The following OPCML variants were observed in gnomAD, a reference collection of about 807,000 sequenced individuals.
OPCML encodes the protein opioid binding protein/cell adhesion molecule like, also known as opioid-binding protein/cell adhesion molecule.
Under a neutral mutation model 37.8 loss-of-function variants are expected in OPCML, and 13 were observed. The observed-to-expected ratio is 0.34, with a 90% CI of 0.22 to 0.55. The LOEUF (loss-of-function observed/expected upper bound fraction) is 0.55, where lower values mean the gene tolerates loss of function less well. Ranked by LOEUF, OPCML falls within the 20% of genes least tolerant of loss-of-function variation. OPCML has a pLI of 0.91. For synonymous variants in OPCML, 176 were observed against 168.8 expected (o/e 1.04, Z -0.33); for missense variants, 341 against 435.6 (o/e 0.78, Z 1.93).
intron 2 of OPCML, among the ~76,000 whole-genome samples, chr11:132,871,236 G>T (rs1174997167): frequency 1.3e-5 from 2 of 150,282 alleles, no homozygotes; most frequent in African/African-American, 4.9e-5. Context: ...AAGACAGTCA[G>T]CCCTCCCTAT....
In OPCML at chr11:133,269,583, G is replaced by GA. The variant is rs1254812874; in HGVS notation, c.61+262680dup. ...ACTCATGTTTTTTCTTTTTCTGGTT[G>GA]AAAAAATGATGAACACTGTGAATTT... On this transcript the variant is annotated intron_variant, in intron 1 of 7. Transcript: ENST00000524381. Among the ~76,000 whole-genome samples the GA allele has an allele frequency of 2.6e-5, 4 of 152,198 alleles. No homozygotes were observed. In the East Asian group the frequency reaches 7.7e-4, roughly 29 times the overall value.
chr11:132,616,503 T>G (rs1223935586), intron 3 of OPCML, among the ~76,000 whole-genome samples: 1 of 152,200 alleles, frequency 6.6e-6, no homozygotes, highest in Admixed American at 6.5e-5. Flanking sequence ...ATTAACCTTC[T>G]AGGATCTGTT....
chr11:132,537,504 G>T (rs556091300), intron 3 of OPCML, among the ~76,000 whole-genome samples: 1 of 152,298 alleles, frequency 6.6e-6, no homozygotes, highest in Non-Finnish European at 1.5e-5. Context: ...GAAAAACTAT[G>T]TAGCCTTTGA....
chr11:133,470,927 G>T (rs1387807198), intron 1 of OPCML, among the ~76,000 whole-genome samples: 1 of 152,142 alleles, frequency 6.6e-6, no homozygotes, highest in Non-Finnish European at 1.5e-5. Context: ...CTCTGAAAAG[G>T]CAGAGAGTTG....
At position 133,097,031 on chromosome 11, in the gene OPCML, C is replaced by T. The variant is rs111984969; in HGVS notation, c.62-154021G>A. Among the ~76,000 whole-genome samples the T allele has an allele frequency of 1.7e-3, 262 of 152,286 alleles. 1 individual carries two copies. Among genetic ancestry groups the T allele is most frequent in the African/African-American group, 6.0e-3 (251 of 41,562 alleles). On this transcript the variant is annotated intron_variant, in intron 1 of 7. Coordinates refer to ENST00000524381, the MANE Select transcript of OPCML (RefSeq NM_001012393.5). ...AGTATGGACATAGTTGGACTCAAAA[C>T]TGTCATGAGTCAATTAGATATAATT...
chr11:133,453,203 T>G (rs1946612449), intron 1 of OPCML, among the ~76,000 whole-genome samples: 1 of 152,130 alleles, frequency 6.6e-6, no homozygotes, highest in Non-Finnish European at 1.5e-5. Context: ...ATAAATTAAA[T>G]AAAATAAATC....
At chr11:133,142,297 C>T (rs1287905283) in intron 1 of OPCML, among the ~76,000 whole-genome samples, 2 of 152,184 alleles carry the variant, frequency 1.3e-5, no homozygotes, top group African/African-American at 4.8e-5. Flanking sequence ...TTCTTCTCAA[C>T]ATGTTCCCCA....
At chr11:132,980,522 A>G (rs1181620380) in intron 1 of OPCML, among the ~76,000 whole-genome samples, 1 of 152,244 alleles carries the variant, frequency 6.6e-6, no homozygotes, top group Admixed American at 6.5e-5. Flanking sequence ...TAAAAAACAT[A>G]GGCCCTGTGG....
intron 1 of OPCML, among the ~76,000 whole-genome samples, chr11:132,962,667 A>C (rs1434112010): frequency 6.6e-6 from 1 of 151,948 alleles, no homozygotes; most frequent in Non-Finnish European, 1.5e-5. Flanking sequence ...TTTCCCACCG[A>C]CCCCAGCCTT....
rs188964018 is a variant in OPCML at position 132,955,384 on chromosome 11, A to C, written c.62-12374T>G. On this transcript the variant is annotated intron_variant, in intron 1 of 7. Coordinates refer to ENST00000524381, the MANE Select transcript of OPCML (RefSeq NM_001012393.5). The stretch of plus-strand genomic sequence containing the variant: ...CTCTGGACCCATTCAGATGCAGACC[A>C]ACCAACCAATATTTAAAAAATAGTG... Among the ~76,000 whole-genome samples the C allele has an allele frequency of 3.4e-3, 518 of 152,318 alleles. 2 individuals are homozygous for C. The highest frequency in any genetic ancestry group is 5.4e-3 in the Non-Finnish European group (369 of 68,020).
chr11:132,558,666 T>A lies in OPCML; in HGVS notation c.380-29480A>T, dbSNP rs116520235. ...TATTCTCATAATACCTCTTTTATGA[T>A]TGTATCCTCCTCATTTAACAGACTA... On this transcript the variant is annotated intron_variant, in intron 3 of 7. Transcript: ENST00000524381. Among the ~76,000 whole-genome samples, 1,279 of 151,546 alleles carry A rather than the reference T, an allele frequency of 8.4e-3. 17 individuals carry two copies. Among genetic ancestry groups the A allele is most frequent in the African/African-American group, 0.029 (1,212 of 41,228 alleles).
intron 4 of OPCML, among the ~76,000 whole-genome samples, chr11:132,513,225 TA>T (rs1293910057): frequency 1.3e-5 from 2 of 152,036 alleles, no homozygotes; most frequent in Non-Finnish European, 2.9e-5. Flanking sequence ...GGAAAGCAGA[TA>T]AGGGAAGAAA....
At chr11:133,018,742 G>A (rs529486955) in intron 1 of OPCML, among the ~76,000 whole-genome samples, 2 of 152,342 alleles carry the variant, frequency 1.3e-5, no homozygotes, top group South Asian at 4.1e-4. Flanking sequence ...GGGCAAGAAT[G>A]TGCCGGGGCA....
chr11:133,318,995 C>T (rs1227546459), intron 1 of OPCML, among the ~76,000 whole-genome samples: 2 of 152,102 alleles, frequency 1.3e-5, no homozygotes, highest in Non-Finnish European at 2.9e-5. Context: ...CCACTGCACT[C>T]CAGCCTGGGT....
chr11:132,458,627 AT>A (rs1344800817), intron 4 of OPCML, among the ~76,000 whole-genome samples: 1 of 152,226 alleles, frequency 6.6e-6, no homozygotes, highest in Non-Finnish European at 1.5e-5. Context: ...AATTTGAATA[AT>A]TTTTTTAAAA....
chr11:132,447,385 A>G (rs552985740), intron 4 of OPCML, among the ~76,000 whole-genome samples: 3 of 152,208 alleles, frequency 2.0e-5, no homozygotes, highest in Admixed American at 6.5e-5. Flanking sequence ...TGCAACCTCC[A>G]CATCCTGGGT....
intron 1 of OPCML, among the ~76,000 whole-genome samples, chr11:132,946,814 CAT>C (rs1394329826): frequency 6.6e-6 from 1 of 152,216 alleles, no homozygotes; most frequent in Non-Finnish European, 1.5e-5. Context: ...TTTCATGACA[CAT>C]GTCTTTTCTC....
intron 2 of OPCML, among the ~76,000 whole-genome samples, chr11:132,720,452 C>A (rs1376441202): frequency 6.6e-6 from 1 of 152,192 alleles, no homozygotes; most frequent in African/African-American, 2.4e-5. Flanking sequence ...TCCAAACATT[C>A]TTTTTAAAGT....
intron 3 of OPCML, among the ~76,000 whole-genome samples, chr11:132,563,262 G>A (rs924957264): frequency 7.9e-5 from 12 of 152,124 alleles, no homozygotes; most frequent in Admixed American, 7.9e-4. Context: ...CAGAGTGTGT[G>A]CTTATTATCA....
Sources: gnomAD v4.1 joint callset for allele counts (sites outside exome capture counted in the v4.1 genomes callset) on GRCh38, gnomAD v4.1.1 for gene constraint, MANE v1.5 for transcripts, NCBI Gene and HGNC (gene_info 2026-07-23, HGNC 2026-07-21) for gene names.